RPRD2: variants seen among roughly 807,000 people sequenced by gnomAD.
The protein encoded by RPRD2 is regulation of nuclear pre-mRNA domain containing 2.
Under a neutral mutation model 104.4 loss-of-function variants are expected in RPRD2, and 12 were observed. That is an observed-to-expected ratio of 0.11 (90% CI 0.07 to 0.19). The LOEUF is 0.19. Ranked by LOEUF, RPRD2 falls within the 10% of genes least tolerant of loss-of-function variation. The probability of loss-of-function intolerance (pLI) is 1.00; values close to 1 mark genes in which losing one functional copy is unlikely to be tolerated. For missense variants in RPRD2, 1,543 were observed against 1,790.1 expected, an observed-to-expected ratio of 0.86 and a Z score of 2.49; for synonymous variants, 714 against 684.9, an observed-to-expected ratio of 1.04 and a Z score of -0.66.
At chr1:150,433,845 T>TATGTAATATAATATATATAATATGTATA (rs1665810647) in intron 2 of RPRD2, among the ~76,000 whole-genome samples, 3 of 91,450 alleles carry the variant, frequency 3.3e-5, no homozygotes, top group African/African-American at 1.0e-4. Flanking sequence ...TAATATGTTA[T>TATGTAATATAATATATATAATATGTATA]ATATATGTTA....
At chr1:150,437,374 C>T (rs116140174) in intron 2 of RPRD2, among the ~76,000 whole-genome samples, 1 of 152,206 alleles carries the variant, frequency 6.6e-6, no homozygotes, top group East Asian at 1.9e-4. Context: ...TGCATGCCTG[C>T]AGTCCCAGCT....
chr1:150,371,131 G>C (rs1660268594), intron 1 of RPRD2, among the ~76,000 whole-genome samples: 1 of 152,180 alleles, frequency 6.6e-6, no homozygotes, highest in Non-Finnish European at 1.5e-5. Context: ...AATTTACAAA[G>C]TACGGTTAAT....
intron 1 of RPRD2, among the ~76,000 whole-genome samples, chr1:150,397,374 T>G (rs1662607211): frequency 6.6e-6 from 1 of 152,210 alleles, no homozygotes; most frequent in Admixed American, 6.6e-5. Flanking sequence ...AAGTTTACCC[T>G]TTAAATGTAC....
intron 1 of RPRD2, among the ~76,000 whole-genome samples, chr1:150,371,989 T>A (rs1553878473): frequency 6.6e-6 from 1 of 151,956 alleles, no homozygotes; most frequent in Non-Finnish European, 1.5e-5. Context: ...ATGTTTTTGA[T>A]TAATTAAAAA....
At chr1:150,458,988 C>A (rs587645602) in intron 8 of RPRD2, among the ~76,000 whole-genome samples, 1 of 152,232 alleles carries the variant, frequency 6.6e-6, no homozygotes, top group Admixed American at 6.5e-5. Context: ...TTTAAACTTA[C>A]ATATGTGGCA....
At chr1:150,437,456 GA>G (rs782118228) in intron 2 of RPRD2, among the ~76,000 whole-genome samples, 130 of 152,274 alleles carry the variant, frequency 8.5e-4, no homozygotes, top group Non-Finnish European at 1.7e-3. Flanking sequence ...AGACTCAGAT[GA>G]TTGTTAAGAG....
intron 7 of RPRD2, among the ~76,000 whole-genome samples, chr1:150,454,227 CTG>C (rs1264371903): frequency 1.3e-5 from 2 of 152,204 alleles, no homozygotes; most frequent in African/African-American, 2.4e-5. Context: ...ACCAGCAAGA[CTG>C]TTAAAAGCTC....
intron 10 of RPRD2, among the ~76,000 whole-genome samples, chr1:150,466,539 G>C (rs1668290684): frequency 7.8e-6 from 1 of 128,472 alleles, no homozygotes. Flanking sequence ...ATGAGACCCT[G>C]CCTCAAAAAA....
intron 2 of RPRD2, among the ~76,000 whole-genome samples, chr1:150,425,513 C>T (rs1665063199): frequency 6.6e-6 from 1 of 151,814 alleles, no homozygotes; most frequent in Admixed American, 6.6e-5. Flanking sequence ...CGTGGTGGCG[C>T]ATACCTATAA....
intron 1 of RPRD2, among the ~76,000 whole-genome samples, chr1:150,386,930 C>G (rs1184108409): frequency 3.3e-5 from 5 of 152,112 alleles, no homozygotes; most frequent in African/African-American, 1.2e-4. Flanking sequence ...TTACATTACT[C>G]TCAACTGGAT....
chr1:150,394,314 T>C (rs1265536687), intron 1 of RPRD2, among the ~76,000 whole-genome samples: 2 of 152,124 alleles, frequency 1.3e-5, no homozygotes, highest in African/African-American at 2.4e-5. Context: ...CCTCCCAAAG[T>C]GCTGGGTTTA....
intron 1 of RPRD2, among the ~76,000 whole-genome samples, chr1:150,401,971 TAA>T (rs1663063891): frequency 7.1e-6 from 1 of 141,342 alleles, no homozygotes; most frequent in Non-Finnish European, 1.5e-5. Flanking sequence ...TTTTTTTTTT[TAA>T]TTTTTTGAGA....
intron 6 of RPRD2, among the ~76,000 whole-genome samples, chr1:150,444,790 C>T (rs914251396): frequency 3.3e-5 from 5 of 152,212 alleles, no homozygotes; most frequent in Admixed American, 6.5e-5. Flanking sequence ...TACCCTGGCA[C>T]CTAGAACAAT....
At chr1:150,383,648 C>G (rs587698004) in intron 1 of RPRD2, among the ~76,000 whole-genome samples, 1 of 152,066 alleles carries the variant, frequency 6.6e-6, no homozygotes, top group South Asian at 2.1e-4. Context: ...CATCAGTATT[C>G]TTGGTGTCAC....
At chr1:150,398,024 G>A (rs914415351) in intron 1 of RPRD2, among the ~76,000 whole-genome samples, 2 of 151,928 alleles carry the variant, frequency 1.3e-5, no homozygotes, top group Non-Finnish European at 2.9e-5. Context: ...GTCTCACTGT[G>A]TTGCCCAGGC....
intron 8 of RPRD2, among the ~76,000 whole-genome samples, chr1:150,458,806 G>T (rs1482785567): frequency 6.6e-6 from 1 of 151,902 alleles, no homozygotes; most frequent in African/African-American, 2.4e-5. Flanking sequence ...ACCACACCCG[G>T]CTATTTTTTG....
intron 7 of RPRD2, among the ~76,000 whole-genome samples, chr1:150,446,877 C>G (rs587734405): frequency 7.2e-6 from 1 of 138,648 alleles, no homozygotes; most frequent in Non-Finnish European, 1.5e-5. Flanking sequence ...CTCTTGTTGC[C>G]CAGGCTAGAG....
chr1:150,443,372 T>A, intron 5 of RPRD2, 89 bp downstream of exon 5: 2 of 943,460 alleles, frequency 2.1e-6, no homozygotes, highest in Non-Finnish European at 3.2e-6. Context: ...GATTTATCTG[T>A]ATTCAATTAC....
At chr1:150,460,593 G>A (rs1253236660) in intron 9 of RPRD2, among the ~76,000 whole-genome samples, 1 of 151,978 alleles carries the variant, frequency 6.6e-6, no homozygotes, top group Admixed American at 6.6e-5. Context: ...AGTAGAGATG[G>A]GGTTTCACCA....
Sources: gnomAD v4.1 joint callset for allele counts (sites outside exome capture counted in the v4.1 genomes callset) on GRCh38, gnomAD v4.1.1 for gene constraint, MANE v1.5 for transcripts, NCBI Gene and HGNC (gene_info 2026-07-23, HGNC 2026-07-21) for gene names.